The following C1orf198 variants were observed in gnomAD, a reference collection of about 807,000 sequenced individuals.
C1orf198 encodes uncharacterized protein C1orf198.
C1orf198 carries 17 observed loss-of-function variants against 31.4 expected under a neutral mutation model. That is an observed-to-expected ratio of 0.54 (90% CI 0.37 to 0.81). The LOEUF (loss-of-function observed/expected upper bound fraction) is 0.81. Among genes scored for constraint, C1orf198 ranks in the 40% least tolerant of loss-of-function variants. The probability of loss-of-function intolerance (pLI) is 0.00; values close to 1 mark genes in which losing one functional copy is unlikely to be tolerated. For synonymous variants in C1orf198, 175 were observed against 193.8 expected (o/e 0.90, Z 0.81); for missense variants, 401 against 450.3 (o/e 0.89, Z 0.99).
chr1:230,859,697 C>G (rs559757427), intron 1 of C1orf198, among the ~76,000 whole-genome samples: 1 of 152,128 alleles, frequency 6.6e-6, no homozygotes, highest in Non-Finnish European at 1.5e-5. Context: ...CCCCACGCAG[C>G]TCCAAGGACT....
At position 230,843,363 on chromosome 1, in the gene C1orf198, C is replaced by G; in HGVS notation, c.918G>C (p.Lys306Asn). Residue 306 changes from lysine to asparagine, a missense_variant, in exon 3 of 4, where the codon AAG becomes AAC. By Grantham distance (94) the Lys-to-Asn change is moderately conservative. Transcript: ENST00000366663. This position sits in a 1 kb window ranked among gnomAD's most constrained non-coding sequence, Gnocchi z 4.9. ...DGEDTLFSEPKFAQVSSSNVV... is the reference protein window; with the variant it reads ...DGEDTLFSEPNFAQVSSSNVV... ...GGTAAAGGCCACTCACCTGTGCAAA[C>G]TTGGGTTCCGAGAACAGGGTGTCTT... The G allele has an allele frequency of 1.3e-6, 2 of 1,554,366 alleles. No individual in the cohort carries two copies. The highest frequency in any genetic ancestry group is 8.7e-7 in the Non-Finnish European group (1 of 1,148,426).
At chr1:230,868,861 G>A (rs1377837165), upstream of C1orf198, 1 of 155,900 alleles carries the variant, frequency 6.4e-6, no homozygotes, top group African/African-American at 2.4e-5. Context: ...CCGGCGCTCT[G>A]AGAGGGTGGC....
intron 1 of C1orf198, 129 bp from the exon 2 acceptor site, chr1:230,855,847 T>G (rs1038806677): frequency 1.3e-6 from 2 of 1,494,306 alleles, no homozygotes; most frequent in African/African-American, 1.4e-5. Context: ...ACAAGCCTGA[T>G]GCTTTGACAC....
chr1:230,856,361 C>G (rs999186257), intron 1 of C1orf198, among the ~76,000 whole-genome samples: 2 of 152,112 alleles, frequency 1.3e-5, no homozygotes, highest in East Asian at 3.9e-4. Flanking sequence ...CCACCCCCAC[C>G]AAACAGAACA....
chr1:230,843,549 C>T lies in C1orf198; in HGVS notation c.732G>A (p.Arg244=). 6.2e-7 allele frequency: 1 copy of T among 1,613,480 alleles called. No individual in the cohort carries two copies. The highest frequency in any genetic ancestry group is 1.3e-5 in the African/African-American group (1 of 75,050). ...GCTGCTCCTGACGGAGGGTGCTGGG[C>T]CTTTCCACCTTGGCCTCCCTGTCCT... ...APKDREAKVE[R]PSTLRQEQRP... is the part of the protein sequence containing the mutation. The change falls in exon 3 of 4, where the codon AGG becomes AGA. Residue 244 remains arginine (R), a synonymous_variant. Coordinates refer to ENST00000366663, the MANE Select transcript of C1orf198 (RefSeq NM_032800.3). This position sits in a 1 kb window ranked among gnomAD's most constrained non-coding sequence, Gnocchi z 4.9.
intron 1 of C1orf198, among the ~76,000 whole-genome samples, chr1:230,861,891 T>C (rs1670012019): frequency 6.6e-6 from 1 of 152,220 alleles, no homozygotes; most frequent in Admixed American, 6.5e-5. Context: ...GAAATGGTCA[T>C]CGTCTTCCTG....
At chr1:230,852,984 G>A (rs901192172) in intron 2 of C1orf198, among the ~76,000 whole-genome samples, 5 of 152,106 alleles carry the variant, frequency 3.3e-5, no homozygotes, top group Admixed American at 1.3e-4. Context: ...TCCCGCACAC[G>A]GATCTCTCCA....
chr1:230,855,040 T>C (rs1669838819), intron 2 of C1orf198, among the ~76,000 whole-genome samples: 1 of 152,164 alleles, frequency 6.6e-6, no homozygotes, highest in Non-Finnish European at 1.5e-5. Context: ...TTCTGTCCCT[T>C]GGGTTAAAGA....
chr1:230,840,003 A>G lies in C1orf198; in HGVS notation c.928-95T>C. The G allele has an allele frequency of 9.3e-7, 1 of 1,081,078 alleles. No homozygotes were observed. The highest frequency in any genetic ancestry group is 1.3e-6 in the Non-Finnish European group (1 of 741,734). 67.0% of individuals were successfully genotyped at this position (1,081,078 alleles called of 1,614,324 possible). Reference sequence around the variant, plus strand: ...GCATCTCATTTAAAACGACCCAGATAAAAGAGCCTACTTCTGTCTCAGAGG... The same window carrying G: ...GCATCTCATTTAAAACGACCCAGATGAAAGAGCCTACTTCTGTCTCAGAGG... On this transcript the variant is annotated intron_variant, in intron 3 of 3. Transcript: ENST00000366663. This position sits in a 1 kb window ranked among gnomAD's most constrained non-coding sequence, Gnocchi z 4.0.
intron 2 of C1orf198, among the ~76,000 whole-genome samples, chr1:230,854,901 C>T (rs1264873240): frequency 6.6e-6 from 1 of 152,168 alleles, no homozygotes; most frequent in Non-Finnish European, 1.5e-5. Context: ...AAACCCTGAT[C>T]TGCCCAGCAG....
intron 1 of C1orf198, among the ~76,000 whole-genome samples, chr1:230,866,423 G>C (rs923730375): frequency 6.6e-6 from 1 of 152,202 alleles, no homozygotes; most frequent in African/African-American, 2.4e-5. Context: ...AGGACATACA[G>C]GCACCACAGC....
chr1:230,838,318 T>C lies in C1orf198; in HGVS notation c.*1534A>G, dbSNP rs1316135626. ...TCACTGAAGCAGAAAGATAAAACTA[T>C]ACCCCAAGGATCCAAATGAGGTTTA... On this transcript the variant is annotated 3_prime_UTR_variant, in exon 4 of 4. Transcript: ENST00000366663. This position sits in a 1 kb window ranked among gnomAD's most constrained non-coding sequence, Gnocchi z 4.2. The C allele has an allele frequency of 6.6e-6, 1 of 152,458 alleles. No individual in the cohort carries two copies. Among genetic ancestry groups the C allele is most frequent in the Non-Finnish European group, 1.5e-5 (1 of 68,032 alleles). The allele number at this position is 152,458 out of a possible 1,614,324, so 9.4% of individuals were successfully genotyped here.
intron 2 of C1orf198, among the ~76,000 whole-genome samples, chr1:230,850,676 G>A (rs1669717361): frequency 6.6e-6 from 1 of 151,976 alleles, no homozygotes; most frequent in Admixed American, 6.6e-5. Flanking sequence ...GCACAGCCCA[G>A]AGGAAGGGCA....
intron 1 of C1orf198, among the ~76,000 whole-genome samples, chr1:230,861,382 T>G (rs551528716): frequency 2.0e-5 from 3 of 152,288 alleles, no homozygotes; most frequent in African/African-American, 7.2e-5. Context: ...AAAACTGAAT[T>G]TTTTTAAAGT....
chr1:230,844,026 T>C (rs1385891098), intron 2 of C1orf198, 130 bp from the exon 3 acceptor site: 2 of 974,114 alleles, frequency 2.1e-6, no homozygotes, highest in African/African-American at 1.6e-5. Flanking sequence ...TTGTTGCCCA[T>C]GTGCTGGAAC....
chr1:230,868,550 C>T (rs1670182411), upstream of C1orf198: 1 of 1,221,626 alleles, frequency 8.2e-7, no homozygotes. Context: ...GCGCCCCGCC[C>T]CTCGCTGTGC....
chr1:230,864,678 G>T (rs896824932), intron 1 of C1orf198, among the ~76,000 whole-genome samples: 1 of 152,260 alleles, frequency 6.6e-6, no homozygotes, highest in South Asian at 2.1e-4. Flanking sequence ...GAGGCAAGTA[G>T]GTCCACGCGA....
intron 2 of C1orf198, among the ~76,000 whole-genome samples, chr1:230,844,284 A>G (rs1669529087): frequency 6.6e-6 from 1 of 151,892 alleles, no homozygotes; most frequent in African/African-American, 2.4e-5. Flanking sequence ...AGTCCTCATG[A>G]GATCTGGTCG....
rs1669414790 is a variant in C1orf198, at chr1:230,840,590, G to A, written c.928-682C>T. Among the ~76,000 whole-genome samples the A allele has an allele frequency of 6.6e-6, 1 of 152,184 alleles. No individual in the cohort carries two copies. The highest frequency in any genetic ancestry group is 6.5e-5 in the Admixed American group (1 of 15,282). On this transcript the variant is annotated intron_variant, in intron 3 of 3. Transcript: ENST00000366663. This position sits in a 1 kb window ranked among gnomAD's most constrained non-coding sequence, Gnocchi z 4.0. ...TTGTGAGCATGGGCTGTCTCAAGCT[G>A]CTGCTGTTTTCATAAAACTTCTGAC...
Sources: allele counts gnomAD v4.1 joint callset (sites outside exome capture counted in the v4.1 genomes callset), GRCh38; gene constraint gnomAD v4.1.1; non-coding constraint Gnocchi (gnomAD v3.1); transcripts MANE v1.5; gene names NCBI Gene and HGNC (gene_info 2026-07-23, HGNC 2026-07-21).